The following USP32 variants were observed in gnomAD, a reference collection of about 807,000 sequenced individuals.
The protein encoded by USP32 is ubiquitin specific peptidase 32.
USP32 carries 59 observed loss-of-function variants against 204.8 expected under a neutral mutation model. That is an observed-to-expected ratio of 0.29 (90% CI 0.23 to 0.36). The LOEUF (loss-of-function observed/expected upper bound fraction) is 0.36. Ranked by LOEUF, USP32 falls within the 10% of genes least tolerant of loss-of-function variation. The probability of loss-of-function intolerance (pLI) is 1.00; values close to 1 mark genes in which losing one functional copy is unlikely to be tolerated. For synonymous variants in USP32, 517 were observed against 678.4 expected (o/e 0.76, Z 3.70); for missense variants, 1,160 against 1,946.4 (o/e 0.60, Z 7.60).
chr17:60,219,673 T>C lies in USP32; in HGVS notation c.1864A>G (p.Met622Val), dbSNP rs766740427. The C allele has an allele frequency of 6.4e-7, 1 of 1,559,316 alleles. No individual in the cohort carries two copies. Among genetic ancestry groups the C allele is most frequent in the Non-Finnish European group, 8.7e-7 (1 of 1,145,490 alleles). Reference protein sequence around the residue: ...RTQQSNIWVNMGNVPSPNAPL... With the variant: ...RTQQSNIWVNVGNVPSPNAPL... ...AACATTCTCAGGCTCATCATACCCA[T>C]ATTCACCCAGATGTTAGACTGCTGT... Residue 622 changes from methionine (M) to valine (V), a missense_variant, in exon 16 of 34, where the codon ATG (methionine) becomes GTG (valine). Physicochemically the swap from Met to Val is conservative, Grantham distance 21. Around this residue, in one of 8 missense-constraint regions of USP32, gnomAD observed 37 missense variants for 62.6 expected, o/e 0.59. Coordinates refer to ENST00000300896, the MANE Select transcript of USP32 (RefSeq NM_032582.4).
chr17:60,361,739 T>C (rs1006970494), intron 1 of USP32, among the ~76,000 whole-genome samples: 2 of 152,206 alleles, frequency 1.3e-5, no homozygotes, highest in African/African-American at 4.8e-5. Flanking sequence ...GAAAAATCAA[T>C]ATCCACTTAT....
intron 1 of USP32, among the ~76,000 whole-genome samples, chr17:60,355,887 TAAAAAAA>T (rs58715953): frequency 3.9e-5 from 2 of 51,506 alleles, no homozygotes; most frequent in Admixed American, 2.3e-4. Context: ...TGAACCTCTG[TAAAAAAA>T]AAAAAAAAAA....
Position 60,372,409 on chromosome 17 carries a change from G to T in USP32, c.58+19473C>A, listed in dbSNP as rs191905005. The stretch of plus-strand genomic sequence containing the variant: ...CTACACACCTAGGCTATATGGGATG[G>T]CCTATTACTCCTAGGCTACAAACCT... On this transcript the variant is annotated intron_variant, in intron 1 of 33. Coordinates refer to ENST00000300896, the MANE Select transcript of USP32 (RefSeq NM_032582.4). Among the ~76,000 whole-genome samples, 70 of 152,186 alleles carry T rather than the reference G, an allele frequency of 4.6e-4. 1 individual carries two copies. The highest frequency in any genetic ancestry group is 1.8e-3 in the Admixed American group (28 of 15,272).
chr17:60,281,934 T>C (rs1165223873), intron 5 of USP32, among the ~76,000 whole-genome samples: 4 of 152,228 alleles, frequency 2.6e-5, no homozygotes, highest in African/African-American at 4.8e-5. Flanking sequence ...ATGCTCAATA[T>C]AGCTGGTAAC....
At chr17:60,292,514 G>A (rs2087307852) in intron 4 of USP32, among the ~76,000 whole-genome samples, 1 of 152,136 alleles carries the variant, frequency 6.6e-6, no homozygotes, top group South Asian at 2.1e-4. Context: ...TACTGAATCA[G>A]GCTAAATACT....
chr17:60,409,822 G>A (rs1200051579), intron 1 of USP32, among the ~76,000 whole-genome samples: 1 of 152,052 alleles, frequency 6.6e-6, no homozygotes, highest in Non-Finnish European at 1.5e-5. Context: ...TAACACTAAT[G>A]ATAGCTCATA....
rs865942579 is a variant in USP32, at chr17:60,295,034, T to C, written c.293-233A>G. On this transcript the variant is annotated intron_variant, in intron 3 of 33. Coordinates refer to ENST00000300896, the MANE Select transcript of USP32 (RefSeq NM_032582.4). ...TCTTTAGGTATTACAATACAAAGTG[T>C]TAGCAAAGACTAGGAGAAACAGGAC... Among the ~76,000 whole-genome samples, 34 of 152,324 alleles carry C rather than the reference T, an allele frequency of 2.2e-4. 1 individual carries two copies. The highest frequency in any genetic ancestry group is 7.7e-4 in the African/African-American group (32 of 41,566).
intron 1 of USP32, among the ~76,000 whole-genome samples, chr17:60,369,393 C>A: frequency 1.5e-5 from 2 of 133,892 alleles, no homozygotes; most frequent in African/African-American, 2.9e-5. Context: ...AAGTTCAAGA[C>A]ACCCTAAGCA....
intron 2 of USP32, among the ~76,000 whole-genome samples, chr17:60,331,628 G>A (rs2088386712): frequency 7.0e-6 from 1 of 142,708 alleles, no homozygotes; most frequent in South Asian, 2.3e-4. Flanking sequence ...ATACAATTGA[G>A]GTCAGGCACA....
At position 60,363,517 on chromosome 17, in the gene USP32, C is replaced by CAA. The variant is rs774220831; in HGVS notation, c.59-17911_59-17910dup. On this transcript the variant is annotated intron_variant, in intron 1 of 33. Coordinates refer to ENST00000300896, the MANE Select transcript of USP32 (RefSeq NM_032582.4). ...TGGGTGACAGAGCAAGACTCTGTCT[C>CAA]AAAAAAAAAAAAATTTGAGACAGGG... Among the ~76,000 whole-genome samples, 161 of 133,268 alleles carry CAA rather than the reference C, an allele frequency of 1.2e-3. 1 individual carries two copies. Among genetic ancestry groups the CAA allele is most frequent in the African/African-American group, 4.3e-3 (155 of 36,234 alleles). The allele number at this position is 133,268 out of a possible 152,430, so 87.4% of individuals were successfully genotyped here.
At chr17:60,318,614 C>A (rs1460061128) in intron 2 of USP32, among the ~76,000 whole-genome samples, 2 of 152,160 alleles carry the variant, frequency 1.3e-5, no homozygotes, top group Non-Finnish European at 2.9e-5. Flanking sequence ...TGGCTTTTAG[C>A]TGCACCCCCA....
At chr17:60,382,659 C>G (rs2089664751) in intron 1 of USP32, among the ~76,000 whole-genome samples, 1 of 152,114 alleles carries the variant, frequency 6.6e-6, no homozygotes, top group African/African-American at 2.4e-5. Context: ...TTATATAACT[C>G]TGTATAACAC....
At chr17:60,222,671 AACTT>A in intron 14 of USP32, 122 bp from the exon 15 acceptor site, 1 of 1,004,668 alleles carries the variant, frequency 1.0e-6, no homozygotes, top group Non-Finnish European at 1.4e-6. Context: ...TTGCTGGAAA[AACTT>A]AATTTTTTTT....
At chr17:60,342,471 A>G (rs1299960135) in intron 2 of USP32, among the ~76,000 whole-genome samples, 1 of 152,268 alleles carries the variant, frequency 6.6e-6, no homozygotes, top group African/African-American at 2.4e-5. Context: ...GCTGTCAGAC[A>G]GGGACGTTTA....
intron 31 of USP32, 110 bp downstream of exon 31, chr17:60,183,055 A>G: frequency 1.4e-6 from 2 of 1,427,218 alleles, no homozygotes; most frequent in African/African-American, 1.4e-5. Flanking sequence ...CTGATTCCAG[A>G]TAGGTTCTTT....
rs1473854593 is a variant in USP32, at chr17:60,306,875, T to C, written c.187-5171A>G. ...AAAATACAAAAATCAATACAATTTA[T>C]ATACATCAACAGTAAACAATCTAAA... On this transcript the variant is annotated intron_variant, in intron 2 of 33. Coordinates refer to ENST00000300896, the MANE Select transcript of USP32 (RefSeq NM_032582.4). 2.6e-5 allele frequency among the ~76,000 whole-genome samples: 4 copies of C among 152,132 alleles called. No individual in the cohort carries two copies. In the South Asian group the frequency reaches 8.3e-4, roughly 31 times the overall value.
chr17:60,342,873 C>T (rs958765470), intron 2 of USP32, among the ~76,000 whole-genome samples: 4 of 152,190 alleles, frequency 2.6e-5, no homozygotes, highest in Non-Finnish European at 4.4e-5. Flanking sequence ...TAACCCCTTG[C>T]GCTTCCTGGG....
At chr17:60,233,311 A>T (rs1369416485) in intron 12 of USP32, among the ~76,000 whole-genome samples, 1 of 152,114 alleles carries the variant, frequency 6.6e-6, no homozygotes, top group East Asian at 1.9e-4. Context: ...ACAGAAAATC[A>T]AAAAATTAGC....
chr17:60,417,836 C>T (rs976091835), intron 1 of USP32, among the ~76,000 whole-genome samples: 6 of 151,864 alleles, frequency 4.0e-5, no homozygotes, highest in African/African-American at 7.3e-5. Flanking sequence ...GTCGCCCAGG[C>T]TGGAGGGCAG....
Sources: allele counts gnomAD v4.1 joint callset (sites outside exome capture counted in the v4.1 genomes callset), GRCh38; gene constraint gnomAD v4.1.1; regional missense constraint gnomAD v4.1.1; transcripts MANE v1.5; gene names NCBI Gene and HGNC (gene_info 2026-07-23, HGNC 2026-07-21).